Variants in PRORP observed in about 807,000 individuals in gnomAD.
The protein encoded by PRORP is protein only RNase P catalytic subunit, also known as mitochondrial ribonuclease P catalytic subunit.
PRORP carries 51 observed loss-of-function variants against 59.4 expected under a neutral mutation model. The ratio of observed to expected loss-of-function variants is 0.86; its 90% confidence interval spans 0.69 to 1.08. The LOEUF is 1.08. Among genes scored for constraint, PRORP ranks in the 50% least tolerant of loss-of-function variants. The pLI is 0.00. For synonymous variants in PRORP, 231 were observed against 245.6 expected, an observed-to-expected ratio of 0.94 and a Z score of 0.55; for missense variants, 646 against 690.3, an observed-to-expected ratio of 0.94 and a Z score of 0.72.
chr14:35,253,112 T>C (rs2050652686), intron 5 of PRORP, among the ~76,000 whole-genome samples: 2 of 152,100 alleles, frequency 1.3e-5, no homozygotes, highest in African/African-American at 2.4e-5. Context: ...GGCAGGCAGA[T>C]TGCTTGAGGT....
chr14:35,201,585 A>T lies in PRORP; in HGVS notation c.1275+20808A>T, dbSNP rs964156571. ...TGTTTCTTTATTATTTTTTTTTAGT[A>T]CTTCCTTACTCTCTGGCACTACAAA... is the stretch of plus-strand genomic sequence containing the variant. On this transcript the variant is annotated intron_variant, in intron 5 of 7. Coordinates refer to ENST00000534898, the MANE Select transcript of PRORP (RefSeq NM_014672.4). 2.7e-5 allele frequency among the ~76,000 whole-genome samples: 4 copies of T among 150,840 alleles called. No homozygotes were observed. In the South Asian group the frequency reaches 8.4e-4, roughly 32 times the overall value.
At chr14:35,251,254 T>C (rs1239724274) in intron 5 of PRORP, among the ~76,000 whole-genome samples, 1 of 152,192 alleles carries the variant, frequency 6.6e-6, no homozygotes, top group African/African-American at 2.4e-5. Flanking sequence ...GCCACAGTTC[T>C]TTTATCCACT....
In PRORP at chr14:35,274,577, G is replaced by C. The variant is rs1190931681; in HGVS notation, c.*1011G>C. 6.6e-6 allele frequency: 1 copy of C among 152,198 alleles called. No individual in the cohort carries two copies. The highest frequency in any genetic ancestry group is 1.5e-5 in the Non-Finnish European group (1 of 68,064). The allele number at this position is 152,198 out of a possible 1,614,324, so 9.4% of individuals were successfully genotyped here. A position where few individuals can be genotyped will look rare whatever the true frequency, so the allele number is the denominator to read the frequency against. ...GTAGGAGGATTGCTTGAGCCTCAGA[G>C]GTCAAGGCTGCAATGAGCCAACGTT... On this transcript the variant is annotated 3_prime_UTR_variant, in exon 8 of 8. Transcript: ENST00000534898.
At chr14:35,268,315 A>G (rs1275804800) in intron 6 of PRORP, among the ~76,000 whole-genome samples, 1 of 140,836 alleles carries the variant, frequency 7.1e-6, no homozygotes, top group Admixed American at 7.6e-5. Context: ...ACTGCACTCC[A>G]GCCTGGGTTA....
intron 5 of PRORP, among the ~76,000 whole-genome samples, chr14:35,214,156 T>C (rs1183707922): frequency 1.3e-5 from 2 of 152,222 alleles, no homozygotes; most frequent in Admixed American, 6.5e-5. Flanking sequence ...GAAAACAGCA[T>C]GTTCTTTCAA....
At chr14:35,168,968 G>C (rs1318731336) in intron 4 of PRORP, among the ~76,000 whole-genome samples, 4 of 150,668 alleles carry the variant, frequency 2.7e-5, no homozygotes, top group African/African-American at 9.8e-5. Context: ...TGCCTTATTA[G>C]CTTTTCCTAT....
At position 35,196,400 on chromosome 14, in the gene PRORP, G is replaced by A. The variant is rs184722287; in HGVS notation, c.1275+15623G>A. On this transcript the variant is annotated intron_variant, in intron 5 of 7. Transcript: ENST00000534898. ...TCCCACCAACTCAGGAGGCTGAGGC[G>A]GGGGGAGGATCACTTGAGCCCTGGA... 2.5e-3 allele frequency among the ~76,000 whole-genome samples: 378 copies of A among 152,274 alleles called. 1 individual carries two copies. The highest frequency in any genetic ancestry group is 8.1e-3 in the African/African-American group (336 of 41,566).
intron 5 of PRORP, among the ~76,000 whole-genome samples, chr14:35,237,084 T>TC (rs2050240326): frequency 7.2e-6 from 1 of 138,002 alleles, no homozygotes; most frequent in Non-Finnish European, 1.6e-5. Context: ...CCTTCCTTCC[T>TC]TCTCTCTCTC....
intron 5 of PRORP, among the ~76,000 whole-genome samples, chr14:35,230,555 C>T (rs115536620): frequency 1.3e-3 from 192 of 152,264 alleles, no homozygotes; most frequent in African/African-American, 4.2e-3. Context: ...AAGTATTCAT[C>T]GAGTACTTAT....
chr14:35,268,168 T>C (rs925046268), intron 6 of PRORP, among the ~76,000 whole-genome samples: 2 of 151,800 alleles, frequency 1.3e-5, no homozygotes, highest in Non-Finnish European at 2.9e-5. Flanking sequence ...GCCAACATAG[T>C]GAACCCCATC....
chr14:35,211,703 A>G (rs867337523), intron 5 of PRORP, among the ~76,000 whole-genome samples: 1 of 152,222 alleles, frequency 6.6e-6, no homozygotes, highest in Non-Finnish European at 1.5e-5. Context: ...TGCTTAAATC[A>G]TCTGAGCCTT....
At chr14:35,147,383 C>T (rs2047637620) in intron 4 of PRORP, among the ~76,000 whole-genome samples, 1 of 152,132 alleles carries the variant, frequency 6.6e-6, no homozygotes, top group African/African-American at 2.4e-5. Flanking sequence ...CACTCTGTCA[C>T]CCAGGCTGGA....
At chr14:35,165,371 G>C (rs2048158447) in intron 4 of PRORP, among the ~76,000 whole-genome samples, 1 of 152,120 alleles carries the variant, frequency 6.6e-6, no homozygotes, top group African/African-American at 2.4e-5. Flanking sequence ...TTACTAGTTA[G>C]GTGATCTGCT....
intron 5 of PRORP, among the ~76,000 whole-genome samples, chr14:35,196,796 T>C (rs1294645063): frequency 6.6e-6 from 1 of 152,154 alleles, no homozygotes; most frequent in Non-Finnish European, 1.5e-5. Flanking sequence ...TGCCTTGACA[T>C]GTGTTAAGAG....
intron 5 of PRORP, among the ~76,000 whole-genome samples, chr14:35,244,849 T>C (rs1007044611): frequency 1.3e-5 from 2 of 152,252 alleles, no homozygotes; most frequent in African/African-American, 4.8e-5. Flanking sequence ...TCCTGACTTC[T>C]GTGTAAATAA....
intron 5 of PRORP, among the ~76,000 whole-genome samples, chr14:35,257,196 T>C (rs2050783088): frequency 6.6e-6 from 1 of 152,226 alleles, no homozygotes; most frequent in African/African-American, 2.4e-5. Flanking sequence ...TTTATTGTTG[T>C]AAAATATATT....
At position 35,235,591 on chromosome 14, in the gene PRORP, G is replaced by T; in HGVS notation, c.1276-31136G>T. The T allele has an allele frequency of 1.0e-5, 5 of 500,574 alleles. 1 individual carries two copies. In the East Asian group the frequency reaches 1.3e-4, roughly 13 times the overall value. 31.0% of individuals were successfully genotyped at this position (500,574 alleles called of 1,614,324 possible). The stretch of plus-strand genomic sequence containing the variant: ...GAAGGACAGGTGGTCTTTTAGTGGG[G>T]ACGTCCCCTTTGCCAGCAGCTTTCT... On this transcript the variant is annotated intron_variant, in intron 5 of 7. Transcript: ENST00000534898.
chr14:35,212,998 C>G (rs1412548627), intron 5 of PRORP, among the ~76,000 whole-genome samples: 2 of 152,224 alleles, frequency 1.3e-5, no homozygotes, highest in South Asian at 2.1e-4. Context: ...GCTACTTCGT[C>G]TTACACTTTT....
intron 4 of PRORP, among the ~76,000 whole-genome samples, chr14:35,174,755 T>G (rs940492968): frequency 1.4e-5 from 2 of 148,056 alleles, no homozygotes; most frequent in Admixed American, 1.3e-4. Context: ...TTTTTCTTTT[T>G]TTTTTTTTTA....
Sources: gnomAD v4.1 joint callset for allele counts (sites outside exome capture counted in the v4.1 genomes callset) on GRCh38, gnomAD v4.1.1 for gene constraint, MANE v1.5 for transcripts, NCBI Gene and HGNC (gene_info 2026-07-23, HGNC 2026-07-21) for gene names.